The following NDFIP1 variants were observed in gnomAD, a reference collection of about 807,000 sequenced individuals.
NDFIP1 encodes NEDD4 family-interacting protein 1.
In NDFIP1, 7 loss-of-function variants were observed where a neutral mutation model predicts 28.8. The ratio of observed to expected loss-of-function variants is 0.24; its 90% CI spans 0.14 to 0.46. The LOEUF is 0.46. Ranked by LOEUF, NDFIP1 falls within the 20% of genes least tolerant of loss-of-function variation. NDFIP1 has a pLI of 0.99. For missense variants in NDFIP1, 194 were observed against 269.1 expected, an observed-to-expected ratio of 0.72 and a Z score of 1.95; for synonymous variants, 92 against 101.0, an observed-to-expected ratio of 0.91 and a Z score of 0.53.
rs1317569405 is a variant in NDFIP1, at chr5:142,137,792, T to C, written c.429T>C (p.Ala143=). The C allele has an allele frequency of 6.2e-7, 1 of 1,614,096 alleles. No homozygotes were observed. The highest frequency in any genetic ancestry group is 8.5e-7 in the Non-Finnish European group (1 of 1,180,032). ...FFLSFCLTTS[A]AGRYGAISGF... Reference sequence around the variant, plus strand: ...TGTCTTTTTGCCTGACCACTTCAGCTGCAGGAAGGTATGGGGCCATTTCAG... The same window carrying C: ...TGTCTTTTTGCCTGACCACTTCAGCCGCAGGAAGGTATGGGGCCATTTCAG... Residue 143 remains alanine, a synonymous_variant, in exon 5 of 8, where the codon GCT becomes GCC. Coordinates refer to ENST00000253814, the MANE Select transcript of NDFIP1 (RefSeq NM_030571.4).
rs1757218080 is a variant in NDFIP1 at position 142,130,641 on chromosome 5, C to T, written c.64-1167C>T. 5.3e-5 allele frequency among the ~76,000 whole-genome samples: 8 copies of T among 151,042 alleles called. No homozygotes were observed. The South Asian group carries it at 1.7e-3, about 32-fold the overall frequency. ...AAAGTTAGCCAGGGTCACAGTGTGC[C>T]ATAATTGTGCCACTGCACTCCTGCC... On this transcript the variant is annotated intron_variant, in intron 1 of 7. Coordinates refer to ENST00000253814, the MANE Select transcript of NDFIP1 (RefSeq NM_030571.4).
intron 1 of NDFIP1, among the ~76,000 whole-genome samples, chr5:142,120,268 C>G (rs1757110548): frequency 6.6e-6 from 1 of 152,136 alleles, no homozygotes; most frequent in South Asian, 2.1e-4. Context: ...AACTTTCTTT[C>G]TGTTTATAAA....
At chr5:142,146,610 CTT>C (rs1332517320) in intron 7 of NDFIP1, among the ~76,000 whole-genome samples, 1 of 152,094 alleles carries the variant, frequency 6.6e-6, no homozygotes, top group Non-Finnish European at 1.5e-5. Flanking sequence ...ATTTCTTTCT[CTT>C]TTTAAAAAAA....
intron 3 of NDFIP1, 105 bp from the exon 4 acceptor site, chr5:142,135,625 A>G: frequency 3.4e-6 from 3 of 890,210 alleles, no homozygotes; most frequent in Non-Finnish European, 5.4e-6. Flanking sequence ...ATAATTTTGA[A>G]CTGAACCAAA....
rs988755563 is a variant in NDFIP1, at chr5:142,153,565, A to G, written c.*1837A>G. On this transcript the variant is annotated 3_prime_UTR_variant, in exon 8 of 8. Transcript: ENST00000253814. ...TAGTGTGTTCTTTTTCAGAAGTTAT[A>G]TTTGATAATAGAGAAGGGAGTTTTA... The G allele has an allele frequency of 1.4e-5, 4 of 276,610 alleles. No individual in the cohort carries two copies. The highest frequency in any genetic ancestry group is 8.9e-5 in the African/African-American group (4 of 44,806). 17.1% of individuals were successfully genotyped at this position (276,610 alleles called of 1,614,324 possible). A position where few individuals can be genotyped will look rare whatever the true frequency, so the allele number is the denominator to read the frequency against.
intron 5 of NDFIP1, among the ~76,000 whole-genome samples, chr5:142,139,268 T>G (rs1025042584): frequency 1.3e-5 from 2 of 152,098 alleles, no homozygotes; most frequent in African/African-American, 4.8e-5. Flanking sequence ...GGTAGGATGC[T>G]TTTGACTGTG....
At chr5:142,133,719 T>C (rs1757247708) in intron 3 of NDFIP1, among the ~76,000 whole-genome samples, 1 of 152,216 alleles carries the variant, frequency 6.6e-6, no homozygotes, top group East Asian at 1.9e-4. Context: ...TCAGCAGACA[T>C]GTATAAAGCA....
chr5:142,131,210 C>T (rs1333549885), intron 1 of NDFIP1, among the ~76,000 whole-genome samples: 3 of 152,046 alleles, frequency 2.0e-5, no homozygotes, highest in Non-Finnish European at 4.4e-5. Flanking sequence ...CTCAAGCGAT[C>T]CCACCCACCT....
intron 1 of NDFIP1, among the ~76,000 whole-genome samples, chr5:142,115,584 C>A (rs367702315): frequency 3.7e-4 from 56 of 152,154 alleles, no homozygotes; most frequent in African/African-American, 1.2e-3. Context: ...TGCGCCCGGC[C>A]TATATTCTTA....
At chr5:142,145,536 C>A (rs1048161238) in intron 7 of NDFIP1, among the ~76,000 whole-genome samples, 1 of 151,884 alleles carries the variant, frequency 6.6e-6, no homozygotes, top group African/African-American at 2.4e-5. Flanking sequence ...AGTTGAAGGT[C>A]TTAGGCAAAG....
At chr5:142,119,210 C>T (rs917288506) in intron 1 of NDFIP1, among the ~76,000 whole-genome samples, 1 of 152,214 alleles carries the variant, frequency 6.6e-6, no homozygotes, top group Non-Finnish European at 1.5e-5. Flanking sequence ...CTCCCCTTAT[C>T]TATAAACTCC....
chr5:142,149,686 A>C (rs984426084), intron 7 of NDFIP1, among the ~76,000 whole-genome samples: 54 of 152,116 alleles, frequency 3.5e-4, no homozygotes, highest in Non-Finnish European at 6.2e-4. Context: ...TTTAATTTTT[A>C]CTTCTCTTAC....
At chr5:142,148,540 T>C in intron 7 of NDFIP1, among the ~76,000 whole-genome samples, 1 of 151,672 alleles carries the variant, frequency 6.6e-6, no homozygotes, top group African/African-American at 2.4e-5. Flanking sequence ...CACCTGAGGT[T>C]AGAAGTTTGA....
At chr5:142,116,143 G>A (rs892172422) in intron 1 of NDFIP1, among the ~76,000 whole-genome samples, 8 of 152,204 alleles carry the variant, frequency 5.3e-5, no homozygotes, top group African/African-American at 1.7e-4. Context: ...AGTAAAGCAA[G>A]TGTAACTTGA....
chr5:142,127,200 G>T (rs1757178614), intron 1 of NDFIP1, among the ~76,000 whole-genome samples: 1 of 152,094 alleles, frequency 6.6e-6, no homozygotes, highest in African/African-American at 2.4e-5. Flanking sequence ...ATTTTTAGTA[G>T]AGACGAGATT....
At position 142,152,948 on chromosome 5, in the gene NDFIP1, T is replaced by A. The variant is rs1757462826; in HGVS notation, c.*1220T>A. On this transcript the variant is annotated 3_prime_UTR_variant, in exon 8 of 8. Coordinates refer to ENST00000253814, the MANE Select transcript of NDFIP1 (RefSeq NM_030571.4). ...TCCTCTTATATCCTACTAAATACATTCCTAAAAATGTATTTGAACATTGGT... is the reference window on the plus strand; with the variant it reads ...TCCTCTTATATCCTACTAAATACATACCTAAAAATGTATTTGAACATTGGT... 1 of 245,220 alleles carries A rather than the reference T, an allele frequency of 4.1e-6. No individual in the cohort carries two copies. Among genetic ancestry groups the A allele is most frequent in the Non-Finnish European group, 8.1e-6 (1 of 123,316 alleles). 15.2% of individuals were successfully genotyped at this position (245,220 alleles called of 1,614,324 possible). A position where few individuals can be genotyped will look rare whatever the true frequency, so the allele number is the denominator to read the frequency against.
chr5:142,111,324 A>G (rs1360120670), intron 1 of NDFIP1, among the ~76,000 whole-genome samples: 1 of 151,910 alleles, frequency 6.6e-6, no homozygotes, highest in African/African-American at 2.4e-5. Flanking sequence ...TCTATATAAA[A>G]TATTTTTAAT....
At chr5:142,118,475 T>G (rs1450658381) in intron 1 of NDFIP1, among the ~76,000 whole-genome samples, 1 of 152,154 alleles carries the variant, frequency 6.6e-6, no homozygotes, top group Non-Finnish European at 1.5e-5. Context: ...ACAGGTAAAG[T>G]GCTGTTCTCA....
At chr5:142,144,446 T>G (rs1757367470) in intron 6 of NDFIP1, 125 bp from the exon 7 acceptor site, 1 of 694,134 alleles carries the variant, frequency 1.4e-6, no homozygotes, top group East Asian at 2.5e-5. Context: ...TGGAGGAAAT[T>G]GCTAATGTTT....
Sources: allele counts gnomAD v4.1 joint callset (sites outside exome capture counted in the v4.1 genomes callset), GRCh38; gene constraint gnomAD v4.1.1; transcripts MANE v1.5; gene names NCBI Gene and HGNC (gene_info 2026-07-23, HGNC 2026-07-21).